The following PIK3C2A variants were observed in gnomAD, a reference collection of about 807,000 sequenced individuals.
PIK3C2A encodes the protein phosphatidylinositol 4-phosphate 3-kinase C2 domain-containing subunit alpha.
PIK3C2A carries 97 observed loss-of-function variants against 204.5 expected under a neutral mutation model. The observed-to-expected ratio is 0.47, with a 90% CI of 0.40 to 0.56. PIK3C2A has a LOEUF of 0.56. Among genes scored for constraint, PIK3C2A ranks in the 20% least tolerant of loss-of-function variants. The pLI, the probability that PIK3C2A is intolerant of heterozygous loss-of-function variation, is 0.00. For missense variants in PIK3C2A, 1,735 were observed against 1,969.2 expected (o/e 0.88, Z 2.25); for synonymous variants, 653 against 664.4 (o/e 0.98, Z 0.26).
At chr11:17,106,812 T>C (rs1297160800) in intron 22 of PIK3C2A, among the ~76,000 whole-genome samples, 1 of 152,140 alleles carries the variant, frequency 6.6e-6, no homozygotes, top group African/African-American at 2.4e-5. Flanking sequence ...AGACACACAC[T>C]GTCCCACTTC....
chr11:17,157,711 A>G (rs1176266672), intron 2 of PIK3C2A, among the ~76,000 whole-genome samples: 6 of 152,220 alleles, frequency 3.9e-5, no homozygotes, highest in Admixed American at 2.6e-4. Context: ...ATGCCGGGAA[A>G]GATTACGTCT....
chr11:17,195,167 C>A (rs1852104629), intron 1 of PIK3C2A, among the ~76,000 whole-genome samples: 1 of 152,060 alleles, frequency 6.6e-6, no homozygotes. Flanking sequence ...ATAATCCCAG[C>A]ACTTTGGGAG....
At chr11:17,092,369 T>A in intron 28 of PIK3C2A, 93 bp from the exon 29 acceptor site, 1 of 713,938 alleles carries the variant, frequency 1.4e-6, no homozygotes. Context: ...GACAAAGTAG[T>A]CTTAATCCAT....
intron 1 of PIK3C2A, among the ~76,000 whole-genome samples, chr11:17,187,363 T>A (rs529633735): frequency 7.9e-5 from 12 of 152,272 alleles, no homozygotes; most frequent in African/African-American, 2.9e-4. Context: ...AACTCAGTGA[T>A]GTTTAAAATA....
At chr11:17,159,356 T>G (rs1850705132) in intron 2 of PIK3C2A, among the ~76,000 whole-genome samples, 1 of 152,184 alleles carries the variant, frequency 6.6e-6, no homozygotes, top group Non-Finnish European at 1.5e-5. Flanking sequence ...AAGAAAACAC[T>G]GCCAATGCAT....
At chr11:17,110,352 T>A (rs1348907153) in intron 22 of PIK3C2A, 80 bp downstream of exon 22, 2 of 987,994 alleles carry the variant, frequency 2.0e-6, no homozygotes, top group Admixed American at 2.4e-5. Context: ...GGTATCTGCA[T>A]CAGGATGTTT....
At chr11:17,098,233 T>C (rs1284438233) in intron 26 of PIK3C2A, among the ~76,000 whole-genome samples, 1 of 152,228 alleles carries the variant, frequency 6.6e-6, no homozygotes, top group Non-Finnish European at 1.5e-5. Context: ...CAAATTCATA[T>C]GCTGAAGCCC....
At chr11:17,113,682 T>C (rs1297184626) in intron 20 of PIK3C2A, among the ~76,000 whole-genome samples, 1 of 148,286 alleles carries the variant, frequency 6.7e-6, no homozygotes, top group East Asian at 2.0e-4. Context: ...CTTGGGAGGC[T>C]GAGGCAGGAG....
chr11:17,166,804 G>A (rs887393306), intron 2 of PIK3C2A, among the ~76,000 whole-genome samples: 2 of 152,082 alleles, frequency 1.3e-5, no homozygotes, highest in Non-Finnish European at 2.9e-5. Flanking sequence ...CTCAAATCCT[G>A]ACTCCAGGCA....
intron 1 of PIK3C2A, among the ~76,000 whole-genome samples, chr11:17,206,814 A>T (rs943556178): frequency 6.6e-6 from 1 of 152,154 alleles, no homozygotes; most frequent in South Asian, 2.1e-4. Context: ...TTGATGCTAC[A>T]ATAGATTTAA....
intron 32 of PIK3C2A, among the ~76,000 whole-genome samples, chr11:17,090,391 CAG>C (rs1214476040): frequency 4.6e-5 from 7 of 152,320 alleles, no homozygotes; most frequent in African/African-American, 1.7e-4. Context: ...CACTTGAACT[CAG>C]GAGGCGGAGG....
chr11:17,091,276 A>C (rs546532711), intron 32 of PIK3C2A, 58 bp downstream of exon 32: 1 of 1,512,360 alleles, frequency 6.6e-7, no homozygotes, highest in Non-Finnish European at 9.1e-7. Flanking sequence ...CAGAACTTAA[A>C]AATGAAAATT....
chr11:17,117,372 G>C, intron 19 of PIK3C2A, 119 bp downstream of exon 19: 1 of 590,380 alleles, frequency 1.7e-6, no homozygotes, highest in East Asian at 2.6e-5. Context: ...AAATAGCATG[G>C]GTATAGTTAG....
At chr11:17,123,854 C>T (rs1033075970) in intron 13 of PIK3C2A, among the ~76,000 whole-genome samples, 3 of 152,224 alleles carry the variant, frequency 2.0e-5, no homozygotes, top group Admixed American at 1.3e-4. Context: ...AAGATATTGA[C>T]ATATCTTTAC....
intron 1 of PIK3C2A, chr11:17,204,514 G>A (rs1852498519): frequency 6.6e-6 from 1 of 152,154 alleles, no homozygotes; most frequent in African/African-American, 2.4e-5. Context: ...AATCATTTAA[G>A]ACTCAACTTG....
At position 17,102,771 on chromosome 11, in the gene PIK3C2A, T is replaced by G; in HGVS notation, c.3742A>C (p.Ile1248Leu). The G allele has an allele frequency of 1.9e-6, 3 of 1,612,952 alleles. No individual in the cohort carries two copies. The highest frequency in any genetic ancestry group is 2.5e-6 in the Non-Finnish European group (3 of 1,178,980). ...ATATTGTCATTGTGTCGATCACAGA[T>G]GCCTAAAACATAGGTGGCTACACAG... ...GCCVATYVLG[I>L]CDRHNDNIML... The change falls in exon 24 of 33, where the codon ATC becomes CTC. Residue 1248 changes from isoleucine (I) to leucine (L), a missense_variant. This residue lies in a region of PIK3C2A where 503 missense variants were observed against 669.0 expected (regional missense o/e 0.75). Coordinates refer to ENST00000691414, the MANE Select transcript of PIK3C2A (RefSeq NM_002645.4).
intron 1 of PIK3C2A, among the ~76,000 whole-genome samples, chr11:17,200,161 G>T (rs1022609644): frequency 6.6e-6 from 1 of 151,284 alleles, no homozygotes; most frequent in Non-Finnish European, 1.5e-5. Flanking sequence ...ACTCCAGCCT[G>T]GGCGACAGAG....
intron 3 of PIK3C2A, among the ~76,000 whole-genome samples, chr11:17,151,948 T>C (rs1475122298): frequency 6.6e-6 from 1 of 152,136 alleles, no homozygotes; most frequent in African/African-American, 2.4e-5. Context: ...AATTAATGTA[T>C]AAAATGTTAG....
intron 3 of PIK3C2A, among the ~76,000 whole-genome samples, chr11:17,153,788 T>C (rs1201516254): frequency 6.6e-6 from 1 of 152,136 alleles, no homozygotes; most frequent in Non-Finnish European, 1.5e-5. Context: ...TTTTAGGAGA[T>C]CTCAAAAAGC....
Sources: allele counts gnomAD v4.1 joint callset (sites outside exome capture counted in the v4.1 genomes callset), GRCh38; gene constraint gnomAD v4.1.1; regional missense constraint gnomAD v4.1.1; transcripts MANE v1.5; gene names NCBI Gene and HGNC (gene_info 2026-07-23, HGNC 2026-07-21).